The following CELF2 variants were observed in gnomAD, a reference collection of about 807,000 sequenced individuals.
CELF2 encodes the protein CUG triplet repeat RNA-binding protein 2.
Under a neutral mutation model 62.6 loss-of-function variants are expected in CELF2, and 8 were observed. The ratio of observed to expected loss-of-function variants is 0.13; its 90% CI spans 0.07 to 0.23. CELF2 has a LOEUF of 0.23. Ranked by LOEUF, CELF2 falls within the 10% of genes least tolerant of loss-of-function variation. The probability of loss-of-function intolerance (pLI) is 1.00; values close to 1 mark genes in which losing one functional copy is unlikely to be tolerated. For synonymous variants in CELF2, 258 were observed against 250.0 expected (o/e 1.03, Z -0.30); for missense variants, 333 against 671.0 (o/e 0.50, Z 5.56).
chr10:10,943,476 T>G (rs1486426410), intron 2 of CELF2, among the ~76,000 whole-genome samples: 6 of 152,180 alleles, frequency 3.9e-5, no homozygotes, highest in African/African-American at 1.4e-4. Context: ...GGAATCAAAG[T>G]CTTATGATCT....
rs1423309714 is a variant in CELF2 at position 11,324,364 on chromosome 10, A to G, written c.1295-1472A>G. Among the ~76,000 whole-genome samples, 2 of 152,248 alleles carry G rather than the reference A, an allele frequency of 1.3e-5. No individual in the cohort carries two copies. The highest frequency in any genetic ancestry group is 1.5e-5 in the Non-Finnish European group (1 of 68,040). Reference sequence around the variant, plus strand: ...ACCACCCAGGATGTGCACACACAGCAGTGCTCAGAACATCCCTTTCCAGTG... The same window carrying G: ...ACCACCCAGGATGTGCACACACAGCGGTGCTCAGAACATCCCTTTCCAGTG... On this transcript the variant is annotated intron_variant, in intron 11 of 12. Transcript: ENST00000633077. This position sits in a 1 kb window ranked among gnomAD's most constrained non-coding sequence, Gnocchi z 4.7.
At chr10:10,525,782 T>A in the CELF2 span, among the ~76,000 whole-genome samples, 1 of 152,270 alleles carries the variant, frequency 6.6e-6, no homozygotes, top group South Asian at 2.1e-4. Flanking sequence ...TCTAAAATGA[T>A]GTGGTAAACA....
the CELF2 span, chr10:10,776,668 T>G: frequency 6.2e-6 from 1 of 161,474 alleles, no homozygotes; most frequent in Non-Finnish European, 1.4e-5. Context: ...TCATGTTTGC[T>G]CCACATCCCC....
At position 11,334,104 on chromosome 10, in the gene CELF2, T is replaced by A. The variant is rs1465314981; in HGVS notation, c.*5051T>A. On this transcript the variant is annotated 3_prime_UTR_variant, in exon 13 of 13. Transcript: ENST00000633077. ...AAATAACAGCGGTAAGTTTCACTTT[T>A]TATTCTGTATTGTGCAGTTACACAA... The A allele has an allele frequency of 6.5e-6, 1 of 152,696 alleles. No homozygotes were observed. Among genetic ancestry groups the A allele is most frequent in the Non-Finnish European group, 1.5e-5 (1 of 68,048 alleles). 9.5% of individuals were successfully genotyped at this position (152,696 alleles called of 1,614,324 possible).
intron 1 of CELF2, among the ~76,000 whole-genome samples, chr10:10,855,954 G>A (rs574796064): frequency 4.6e-5 from 7 of 152,190 alleles, no homozygotes; most frequent in East Asian, 3.9e-4. Flanking sequence ...CAAGAAAGGC[G>A]GCAAAGAGAT....
chr10:11,109,598 G>A (rs1227089039), intron 1 of CELF2, among the ~76,000 whole-genome samples: 1 of 152,188 alleles, frequency 6.6e-6, no homozygotes, highest in East Asian at 1.9e-4. Context: ...GGTTTCCTCT[G>A]ACACAGCTAG....
intron 10 of CELF2, chr10:11,317,989 ATTC>A (rs2095162197): frequency 6.6e-6 from 1 of 152,238 alleles, no homozygotes; most frequent in African/African-American, 2.4e-5. Context: ...GAAAAGCCCT[ATTC>A]TTTTAAGTGG....
chr10:11,192,554 C>T (rs1260641094), intron 2 of CELF2, among the ~76,000 whole-genome samples: 1 of 152,240 alleles, frequency 6.6e-6, no homozygotes, highest in Non-Finnish European at 1.5e-5. Flanking sequence ...TGCTCCTTCA[C>T]CTCCCCATAA....
chr10:10,532,397 T>C, the CELF2 span, among the ~76,000 whole-genome samples: 11 of 152,242 alleles, frequency 7.2e-5, no homozygotes, highest in African/African-American at 2.4e-4. Flanking sequence ...CTCATTAATC[T>C]TCTTCAAGTA....
At chr10:10,734,767 T>G in the CELF2 span, among the ~76,000 whole-genome samples, 1 of 152,226 alleles carries the variant, frequency 6.6e-6, no homozygotes, top group African/African-American at 2.4e-5. Context: ...CATATGGCCC[T>G]TTCTAATAGG....
the CELF2 span, among the ~76,000 whole-genome samples, chr10:10,541,948 G>C: frequency 6.6e-6 from 1 of 152,154 alleles, no homozygotes; most frequent in Non-Finnish European, 1.5e-5. Flanking sequence ...ATAGTTCCAT[G>C]AATCTTCCTA....
chr10:10,557,887 A>G, the CELF2 span, among the ~76,000 whole-genome samples: 1 of 143,310 alleles, frequency 7.0e-6, no homozygotes, highest in Non-Finnish European at 1.5e-5. Flanking sequence ...TTGATTTTGT[A>G]TCCTGAGACT....
chr10:10,615,692 C>G, the CELF2 span, among the ~76,000 whole-genome samples: 1 of 152,058 alleles, frequency 6.6e-6, no homozygotes, highest in Admixed American at 6.6e-5. Context: ...AAGTGTGACA[C>G]CTCCCCACTC....
In CELF2 at chr10:10,821,664, AG is replaced by A. The variant is rs544292256; in HGVS notation, c.53+22849del. On this transcript the variant is annotated intron_variant, in intron 1 of 13. Transcript: ENST00000636488. ...GTTTCCTTGGTTTTTTGTTTTTTTA[AG>A]GATCATGTCTTGCTCTGTTGCCCGG... Among the ~76,000 whole-genome samples, 6 of 152,134 alleles carry A rather than the reference AG, an allele frequency of 3.9e-5. No individual in the cohort carries two copies. In the East Asian group the frequency reaches 1.2e-3, roughly 29 times the overall value.
chr10:11,041,047 G>A (rs926376113), intron 1 of CELF2, among the ~76,000 whole-genome samples: 7 of 152,206 alleles, frequency 4.6e-5, no homozygotes, highest in Non-Finnish European at 7.3e-5. Flanking sequence ...CCAACATCAA[G>A]GTGCTGACAC....
chr10:10,682,169 C>T, the CELF2 span, among the ~76,000 whole-genome samples: 9 of 152,186 alleles, frequency 5.9e-5, no homozygotes, highest in South Asian at 4.2e-4. Flanking sequence ...ATCTTATTTG[C>T]GTAGATGTAG....
At chr10:11,060,613 A>T (rs879615651) in intron 1 of CELF2, among the ~76,000 whole-genome samples, 8 of 152,142 alleles carry the variant, frequency 5.3e-5, no homozygotes, top group Non-Finnish European at 8.8e-5. Context: ...CTTCACTGGA[A>T]TGTGCTTTTC....
intron 2 of CELF2, among the ~76,000 whole-genome samples, chr10:10,966,163 C>A (rs2050101473): frequency 6.6e-6 from 1 of 152,214 alleles, no homozygotes; most frequent in South Asian, 2.1e-4. Context: ...GTTTCCTTTG[C>A]ATGTCCAGGC....
intron 2 of CELF2, among the ~76,000 whole-genome samples, chr10:10,926,068 G>A (rs1026667229): frequency 6.6e-6 from 1 of 152,106 alleles, no homozygotes; most frequent in Non-Finnish European, 1.5e-5. Flanking sequence ...CCATTGAAAA[G>A]CCTCGGTAGT....
Sources: gnomAD v4.1 joint callset for allele counts (sites outside exome capture counted in the v4.1 genomes callset) on GRCh38, gnomAD v4.1.1 for gene constraint, Gnocchi (gnomAD v3.1) non-coding constraint, MANE v1.5 for transcripts, NCBI Gene and HGNC (gene_info 2026-07-23, HGNC 2026-07-21) for gene names.